Variants in DACH1 observed in about 807,000 individuals in gnomAD.
DACH1 encodes dachshund family transcription factor 1.
In DACH1, 12 loss-of-function variants were observed where a neutral mutation model predicts 54.2. The ratio of observed to expected loss-of-function variants is 0.22; its 90% CI spans 0.14 to 0.36. The LOEUF (loss-of-function observed/expected upper bound fraction) is 0.36. Ranked by LOEUF, DACH1 falls within the 10% of genes least tolerant of loss-of-function variation. The pLI is 1.00. For missense variants in DACH1, 805 were observed against 929.8 expected (o/e 0.87, Z 1.75); for synonymous variants, 386 against 366.2 (o/e 1.05, Z -0.62).
chr13:71,561,756 T>A (rs1031105656), intron 4 of DACH1, among the ~76,000 whole-genome samples: 2 of 152,100 alleles, frequency 1.3e-5, no homozygotes, highest in African/African-American at 2.4e-5. Context: ...ATGATTTTAA[T>A]ATGGAACCAA....
chr13:71,549,018 A>T (rs1221197658), intron 6 of DACH1, among the ~76,000 whole-genome samples: 1 of 152,108 alleles, frequency 6.6e-6, no homozygotes, highest in African/African-American at 2.4e-5. Flanking sequence ...TCCTCTGTAG[A>T]TCACTTCCAT....
chr13:71,584,756 T>C (rs1054928782), intron 3 of DACH1, among the ~76,000 whole-genome samples: 11 of 152,136 alleles, frequency 7.2e-5, no homozygotes, highest in African/African-American at 2.7e-4. Flanking sequence ...AGAAATAAGA[T>C]GGCTTTGAAA....
intron 1 of DACH1, among the ~76,000 whole-genome samples, chr13:71,716,237 G>A (rs995673750): frequency 6.6e-6 from 1 of 151,808 alleles, no homozygotes; most frequent in African/African-American, 2.4e-5. Context: ...CATTCACATT[G>A]CTCCTGCCTT....
At chr13:71,456,349 T>C (rs948581400) in intron 10 of DACH1, among the ~76,000 whole-genome samples, 1 of 151,982 alleles carries the variant, frequency 6.6e-6, no homozygotes, top group East Asian at 1.9e-4. Flanking sequence ...CATAGGCCAC[T>C]ATTTCCATTA....
chr13:71,573,050 G>A, intron 3 of DACH1, 38 bp from the exon 4 acceptor site: 2 of 1,558,454 alleles, frequency 1.3e-6, no homozygotes, highest in Non-Finnish European at 1.7e-6. Flanking sequence ...TGCTCTGGAG[G>A]ACATAAATCA....
chr13:71,831,027 G>T (rs897663548), intron 1 of DACH1, among the ~76,000 whole-genome samples: 2 of 151,802 alleles, frequency 1.3e-5, no homozygotes, highest in African/African-American at 4.8e-5. Flanking sequence ...CCTGATTATG[G>T]TCCCAGAAAT....
intron 1 of DACH1, among the ~76,000 whole-genome samples, chr13:71,774,211 G>A (rs2138044069): frequency 6.6e-6 from 1 of 152,232 alleles, no homozygotes; most frequent in South Asian, 2.1e-4. Flanking sequence ...TACACCTAAA[G>A]TTCCACTGAG....
intron 1 of DACH1, among the ~76,000 whole-genome samples, chr13:71,778,139 TAAAA>T (rs1566493961): frequency 1.4e-5 from 2 of 139,990 alleles, no homozygotes; most frequent in African/African-American, 5.3e-5. Flanking sequence ...AATAAATAAA[TAAAA>T]CTATAAAACT....
intron 1 of DACH1, among the ~76,000 whole-genome samples, chr13:71,713,990 C>A (rs2111012): frequency 6.6e-6 from 1 of 152,024 alleles, no homozygotes; most frequent in African/African-American, 2.4e-5. Flanking sequence ...AAAAGTTATT[C>A]TATCATTACT....
At chr13:71,817,395 T>C (rs1475716021) in intron 1 of DACH1, among the ~76,000 whole-genome samples, 2 of 152,204 alleles carry the variant, frequency 1.3e-5, no homozygotes, top group Admixed American at 6.5e-5. Flanking sequence ...GATGTCAAGA[T>C]ACAATGTGAT....
At chr13:71,717,236 T>A (rs1417638780) in intron 1 of DACH1, among the ~76,000 whole-genome samples, 1 of 152,150 alleles carries the variant, frequency 6.6e-6, no homozygotes, top group East Asian at 1.9e-4. Context: ...TAAATGTCAG[T>A]CAAATAATAC....
chr13:71,732,584 TAAA>T (rs768740365), intron 1 of DACH1, among the ~76,000 whole-genome samples: 5 of 110,606 alleles, frequency 4.5e-5, no homozygotes, highest in African/African-American at 1.2e-4. Flanking sequence ...AGACTATTTC[TAAA>T]AAAAAAAAAA....
chr13:71,615,720 A>C (rs960041898), intron 3 of DACH1, among the ~76,000 whole-genome samples: 1 of 152,168 alleles, frequency 6.6e-6, no homozygotes, highest in Non-Finnish European at 1.5e-5. Flanking sequence ...ATAAGAAATG[A>C]ATGTTGAGGG....
chr13:71,443,418 A>AC (rs1224435373), intron 10 of DACH1, among the ~76,000 whole-genome samples: 4 of 151,980 alleles, frequency 2.6e-5, no homozygotes, highest in South Asian at 2.1e-4. Context: ...ACATGGTGAG[A>AC]CCCCATCTCT....
rs1037468934 is a variant in DACH1, at chr13:71,451,401, G to A, written c.2084-10709C>T. On this transcript the variant is annotated intron_variant, in intron 10 of 10. Coordinates refer to ENST00000613252, the MANE Select transcript of DACH1 (RefSeq NM_080759.6). ...CGTATTTGTGTATTTCTAGCATCTT[G>A]AGCATTGCTTGGTACATGGAAAGGG... is the stretch of plus-strand genomic sequence containing the variant. Among the ~76,000 whole-genome samples, 3 of 152,062 alleles carry A rather than the reference G, an allele frequency of 2.0e-5. No individual in the cohort carries two copies. In the South Asian group the frequency reaches 6.2e-4, roughly 32 times the overall value.
At chr13:71,632,073 G>C (rs1027512997) in intron 2 of DACH1, among the ~76,000 whole-genome samples, 2 of 151,124 alleles carry the variant, frequency 1.3e-5, no homozygotes, top group East Asian at 3.9e-4. Flanking sequence ...GACAGAGTGA[G>C]ACTCTGTCCC....
intron 1 of DACH1, among the ~76,000 whole-genome samples, chr13:71,829,166 A>G (rs1236258645): frequency 1.3e-5 from 2 of 151,930 alleles, no homozygotes; most frequent in African/African-American, 4.8e-5. Context: ...GTTCTATTTT[A>G]TATACATGCT....
intron 6 of DACH1, among the ~76,000 whole-genome samples, chr13:71,507,839 T>C (rs1190706888): frequency 6.6e-6 from 1 of 152,192 alleles, no homozygotes; most frequent in Non-Finnish European, 1.5e-5. Context: ...AAACTGAACC[T>C]CCACTTTAGG....
intron 2 of DACH1, among the ~76,000 whole-genome samples, chr13:71,650,089 C>T (rs1467612998): frequency 6.6e-6 from 1 of 152,170 alleles, no homozygotes; most frequent in Non-Finnish European, 1.5e-5. Context: ...AATATGCTCA[C>T]TCCTTATAAT....
Sources: allele counts gnomAD v4.1 joint callset (sites outside exome capture counted in the v4.1 genomes callset), GRCh38; gene constraint gnomAD v4.1.1; transcripts MANE v1.5; gene names NCBI Gene and HGNC (gene_info 2026-07-23, HGNC 2026-07-21).